The following PGPEP1L variants were observed in gnomAD, a reference collection of about 807,000 sequenced individuals.
PGPEP1L encodes the protein pyroglutamyl-peptidase 1-like protein.
In PGPEP1L, 7 loss-of-function variants were observed where a neutral mutation model predicts 6.0. That is an observed-to-expected ratio of 1.17 (90% CI 0.66 to 2.19). The LOEUF (loss-of-function observed/expected upper bound fraction) is 2.19, where lower values mean the gene tolerates loss of function less well. Ranked by LOEUF, PGPEP1L falls within the 30% of genes most tolerant of loss-of-function variation. The pLI is 0.00. For missense variants in PGPEP1L, 209 were observed against 192.5 expected (o/e 1.09, Z -0.51); for synonymous variants, 103 against 83.9 (o/e 1.23, Z -1.24).
At chr15:99,006,873 C>T (rs1483785476) in intron 1 of PGPEP1L, among the ~76,000 whole-genome samples, 4 of 152,108 alleles carry the variant, frequency 2.6e-5, no homozygotes, top group Non-Finnish European at 5.9e-5. Flanking sequence ...GAAGAAGACC[C>T]ATGATTCTCT....
chr15:98,973,498 A>G (rs1380060359), intron 2 of PGPEP1L, among the ~76,000 whole-genome samples: 1 of 152,252 alleles, frequency 6.6e-6, no homozygotes, highest in Non-Finnish European at 1.5e-5. Context: ...AATTAAAATT[A>G]TATCAAGTAT....
At chr15:98,982,699 GCTTTTTTTT>G (rs1204357473) in intron 2 of PGPEP1L, among the ~76,000 whole-genome samples, 1,430 of 73,438 alleles carry the variant, frequency 0.019, 41 homozygotes, top group African/African-American at 0.05. Context: ...TTTATCTGAG[GCTTTTTTTT>G]TTTTTTTTTT....
At chr15:98,977,507 T>C (rs781466623) in intron 2 of PGPEP1L, among the ~76,000 whole-genome samples, 16 of 152,274 alleles carry the variant, frequency 1.1e-4, no homozygotes, top group Admixed American at 3.3e-4. Flanking sequence ...ATGTCTGTTA[T>C]TGATTTCTAA....
chr15:99,002,224 G>A (rs1466041608), intron 2 of PGPEP1L, among the ~76,000 whole-genome samples: 2 of 152,002 alleles, frequency 1.3e-5, no homozygotes, highest in Non-Finnish European at 2.9e-5. Flanking sequence ...TCGAACTCCT[G>A]GTCTCAGGTG....
chr15:98,980,944 A>AG (rs1415229112), intron 2 of PGPEP1L, among the ~76,000 whole-genome samples: 28 of 151,190 alleles, frequency 1.9e-4, no homozygotes. Flanking sequence ...AAAAGGAAAA[A>AG]AAAAAAAATT....
At chr15:98,991,363 A>G (rs1414864179) in intron 2 of PGPEP1L, among the ~76,000 whole-genome samples, 5 of 152,222 alleles carry the variant, frequency 3.3e-5, no homozygotes, top group Non-Finnish European at 7.3e-5. Flanking sequence ...TATAGAAGAA[A>G]TGGATAAATC....
intron 2 of PGPEP1L, among the ~76,000 whole-genome samples, chr15:98,989,043 G>C (rs566938415): frequency 6.6e-6 from 1 of 152,270 alleles, no homozygotes; most frequent in Admixed American, 6.5e-5. Flanking sequence ...GTGCAAAAAG[G>C]CTGAAAATTC....
intron 2 of PGPEP1L, among the ~76,000 whole-genome samples, chr15:98,983,997 G>A (rs1314621236): frequency 6.7e-6 from 1 of 149,588 alleles, no homozygotes; most frequent in East Asian, 1.9e-4. Context: ...GCCTGGCAGT[G>A]GAGTAAGTAG....
At chr15:99,001,746 C>T (rs1027413846) in intron 2 of PGPEP1L, among the ~76,000 whole-genome samples, 1 of 152,142 alleles carries the variant, frequency 6.6e-6, no homozygotes. Flanking sequence ...GAGACAGAGT[C>T]TCACCCTGTC....
intron 2 of PGPEP1L, among the ~76,000 whole-genome samples, chr15:99,004,235 T>C (rs1259171620): frequency 6.6e-6 from 1 of 151,572 alleles, no homozygotes; most frequent in Non-Finnish European, 1.5e-5. Flanking sequence ...AAACCCTGTT[T>C]CTACTAAAAA....
At position 98,992,999 on chromosome 15, in the gene PGPEP1L, A is replaced by G. The variant is rs559407656; in HGVS notation, c.-142+12430T>C. Among the ~76,000 whole-genome samples, 18 of 152,378 alleles carry G rather than the reference A, an allele frequency of 1.2e-4. No individual in the cohort carries two copies. The South Asian group carries it at 3.7e-3, about 32-fold the overall frequency. On this transcript the variant is annotated intron_variant, in intron 2 of 4. Coordinates refer to ENST00000535714, the MANE Select transcript of PGPEP1L (RefSeq NM_001167902.2). ...GAAACATAAGACCTAAAACTGTAAG[A>G]ACCCTAGAAGAAAACCTAGACAATA...
chr15:98,972,697 C>G (rs1329608282), intron 2 of PGPEP1L, among the ~76,000 whole-genome samples: 2 of 151,680 alleles, frequency 1.3e-5, no homozygotes, highest in Admixed American at 6.6e-5. Context: ...TGAAACCCCC[C>G]CATCTCTACT....
At position 98,968,415 on chromosome 15, in the gene PGPEP1L, C is replaced by G; in HGVS notation, c.*63G>C. The G allele has an allele frequency of 6.6e-7, 1 of 1,515,516 alleles. No individual in the cohort carries two copies. Among genetic ancestry groups the G allele is most frequent in the Non-Finnish European group, 9.0e-7 (1 of 1,110,562 alleles). 93.9% of individuals were successfully genotyped at this position (1,515,516 alleles called of 1,614,324 possible). A position where few individuals can be genotyped will look rare whatever the true frequency, so the allele number is the denominator to read the frequency against. On this transcript the variant is annotated 3_prime_UTR_variant, in exon 5 of 5. Transcript: ENST00000535714. ...CAATTTTTGAAAAAGTTTCTCAATGCACAGTTGAGTGCTACATACAGGATT... is the reference window on the plus strand; with the variant it reads ...CAATTTTTGAAAAAGTTTCTCAATGGACAGTTGAGTGCTACATACAGGATT...
At chr15:99,000,609 G>C (rs1052466594) in intron 2 of PGPEP1L, among the ~76,000 whole-genome samples, 14 of 152,182 alleles carry the variant, frequency 9.2e-5, no homozygotes, top group African/African-American at 3.1e-4. Context: ...TGCACCAATC[G>C]ACGCTCTGTA....
chr15:98,982,700 C>CTTTTTTTGTTTTTTTTTTTT (rs2017682947), intron 2 of PGPEP1L, among the ~76,000 whole-genome samples: 1 of 52,458 alleles, frequency 1.9e-5, no homozygotes, highest in African/African-American at 5.1e-5. Context: ...TTATCTGAGG[C>CTTTTTTTGTTTTTTTTTTTT]TTTTTTTTTT....
intron 2 of PGPEP1L, among the ~76,000 whole-genome samples, chr15:98,972,902 A>AAAAAAT (rs2017519833): frequency 8.8e-6 from 1 of 113,964 alleles, no homozygotes; most frequent in African/African-American, 3.2e-5. Context: ...AAAAAAAAAA[A>AAAAAAT]GTGCAGTGTA....
intron 1 of PGPEP1L, among the ~76,000 whole-genome samples, chr15:99,006,711 G>A (rs2018070899): frequency 6.6e-6 from 1 of 152,214 alleles, no homozygotes; most frequent in Admixed American, 6.5e-5. Context: ...GCTTCTCAGG[G>A]AGGCTGAAGC....
At position 98,968,628 on chromosome 15, in the gene PGPEP1L, G is replaced by A. The variant is rs2017440519; in HGVS notation, c.279C>T (p.Val93=). 6.2e-7 allele frequency: 1 copy of A among 1,602,992 alleles called. No individual in the cohort carries two copies. The highest frequency in any genetic ancestry group is 1.7e-5 in the Admixed American group (1 of 58,182). Residue 93 remains valine, a synonymous_variant, in exon 5 of 5, where the codon GTC becomes GTT. Coordinates refer to ENST00000535714, the MANE Select transcript of PGPEP1L (RefSeq NM_001167902.2). ...HGKGCAALIH[V]PPLSRGLPAS... ...CCGGGAGCCCGCGCGATAGTGGAGGGACATGGATGAGTGCCGCGCAGCCCT... is the reference window on the plus strand; with the variant it reads ...CCGGGAGCCCGCGCGATAGTGGAGGAACATGGATGAGTGCCGCGCAGCCCT...
At chr15:98,977,601 T>C (rs2017589102) in intron 2 of PGPEP1L, among the ~76,000 whole-genome samples, 1 of 152,182 alleles carries the variant, frequency 6.6e-6, no homozygotes, top group Non-Finnish European at 1.5e-5. Flanking sequence ...TGGCCCAGGG[T>C]ATAGTCTCTG....
Sources: allele counts gnomAD v4.1 joint callset (sites outside exome capture counted in the v4.1 genomes callset), GRCh38; gene constraint gnomAD v4.1.1; transcripts MANE v1.5; gene names NCBI Gene and HGNC (gene_info 2026-07-23, HGNC 2026-07-21).